MROH2B: variants seen among roughly 807,000 people sequenced by gnomAD.
MROH2B encodes maestro heat like repeat family member 2B, also known as maestro heat-like repeat-containing protein family member 2B.
A neutral mutation model predicts 208.6 loss-of-function variants in MROH2B; 177 were observed. The ratio of observed to expected loss-of-function variants is 0.85; its 90% CI spans 0.75 to 0.96. The LOEUF (loss-of-function observed/expected upper bound fraction) is 0.96. MROH2B is among the 40% of genes least tolerant of loss of function. MROH2B has a pLI of 0.00. For synonymous variants in MROH2B, 728 were observed against 659.0 expected (o/e 1.10, Z -1.60); for missense variants, 2,002 against 1,878.7 (o/e 1.07, Z -1.21).
At position 41,038,825 on chromosome 5, in the gene MROH2B, C is replaced by T. The variant is rs781035669; in HGVS notation, c.2125G>A (p.Ala709Thr). ...TDVMVIYGAV[A>T]LHAPKKQLLS... ...AGTTGCTTCTTGGGAGCATGGAGGG[C>T]CACTGCTCCATAGATGACCATGACA... The change falls in exon 21 of 42, where the codon GCC becomes ACC. Residue 709 changes from alanine (A) to threonine (T), a missense_variant. Transcript: ENST00000399564. 6.2e-6 allele frequency: 10 copies of T among 1,613,358 alleles called. No individual in the cohort carries two copies. In the South Asian group the frequency reaches 1.1e-4, roughly 18 times the overall value.
intron 20 of MROH2B, 47 bp downstream of exon 20, chr5:41,039,401 G>T: frequency 8.8e-7 from 1 of 1,131,186 alleles, no homozygotes; most frequent in Non-Finnish European, 1.3e-6. Context: ...AATCAGGGTT[G>T]TCTGGCCTTG....
At chr5:41,008,236 G>A (rs986549413) in intron 33 of MROH2B, among the ~76,000 whole-genome samples, 1 of 152,134 alleles carries the variant, frequency 6.6e-6, no homozygotes, top group African/African-American at 2.4e-5. Flanking sequence ...AATTGCTGAA[G>A]TCTCAGAATT....
intron 30 of MROH2B, among the ~76,000 whole-genome samples, chr5:41,012,332 G>T (rs1296395866): frequency 1.3e-5 from 2 of 152,192 alleles, no homozygotes; most frequent in African/African-American, 4.8e-5. Flanking sequence ...CCTCGGTTCA[G>T]AGCTGCTTCC....
chr5:41,018,580 G>T, intron 26 of MROH2B, 111 bp downstream of exon 26: 1 of 1,428,620 alleles, frequency 7.0e-7, no homozygotes, highest in Non-Finnish European at 9.6e-7. Flanking sequence ...TGGGGTGTGG[G>T]TGGGTCCAGC....
chr5:41,015,600 G>A (rs141459359), intron 28 of MROH2B, 122 bp from the exon 29 acceptor site: 33 of 779,930 alleles, frequency 4.2e-5, no homozygotes, highest in Admixed American at 7.5e-5. Context: ...GAACATAAGC[G>A]CTAACACATA....
chr5:41,030,824 A>G (rs1231020759), intron 24 of MROH2B, among the ~76,000 whole-genome samples: 1 of 152,130 alleles, frequency 6.6e-6, no homozygotes, highest in Non-Finnish European at 1.5e-5. Context: ...AGTTTTAGCC[A>G]ACAATATGAA....
At chr5:41,022,246 C>T (rs147775684) in intron 24 of MROH2B, among the ~76,000 whole-genome samples, 12 of 152,202 alleles carry the variant, frequency 7.9e-5, no homozygotes, top group East Asian at 5.8e-4. Context: ...CAAAGCAGGG[C>T]GAGGCATCAC....
intron 2 of MROH2B, among the ~76,000 whole-genome samples, chr5:41,069,122 G>A (rs1743900750): frequency 6.6e-6 from 1 of 152,082 alleles, no homozygotes; most frequent in African/African-American, 2.4e-5. Context: ...TTTTTTCTCA[G>A]TTATCAAATG....
chr5:41,027,623 A>T (rs1742417796), intron 24 of MROH2B, among the ~76,000 whole-genome samples: 1 of 152,228 alleles, frequency 6.6e-6, no homozygotes, highest in South Asian at 2.1e-4. Flanking sequence ...TGTGGAAGAC[A>T]GTGTGGCGAT....
At chr5:41,010,923 C>A (rs1387738563) in intron 30 of MROH2B, among the ~76,000 whole-genome samples, 1 of 152,128 alleles carries the variant, frequency 6.6e-6, no homozygotes, top group Admixed American at 6.6e-5. Flanking sequence ...GAACCTAAAA[C>A]TGCTCTAAAA....
At chr5:41,047,595 T>A in intron 17 of MROH2B, 126 bp downstream of exon 17, 1 of 854,436 alleles carries the variant, frequency 1.2e-6, no homozygotes, top group Non-Finnish European at 1.8e-6. Context: ...ACATTCTAAT[T>A]CTTTTCCAAA....
intron 10 of MROH2B, 78 bp downstream of exon 10, chr5:41,055,657 CATAGGAT>C (rs1743423674): frequency 1.1e-6 from 1 of 941,970 alleles, no homozygotes; most frequent in African/African-American, 1.6e-5. Flanking sequence ...ATCCAAAAGA[CATAGGAT>C]AGGATTAGAG....
chr5:41,010,176 A>G, intron 30 of MROH2B, 97 bp from the exon 31 acceptor site: 2 of 1,077,628 alleles, frequency 1.9e-6, no homozygotes, highest in Admixed American at 2.7e-5. Flanking sequence ...CAGCTGATGA[A>G]TTCTAAATAA....
At position 41,033,837 on chromosome 5, in the gene MROH2B, C is replaced by G; in HGVS notation, c.2241+1G>C. ...TCTATCTATCTATCTATCTCTCCTA[C>G]CTTGTTCATCACAGACATGCCCAGA... On this transcript the variant is annotated splice_donor_variant, in intron 22 of 41. Coordinates refer to ENST00000399564, the MANE Select transcript of MROH2B (RefSeq NM_173489.5). LOFTEE classifies it high-confidence loss of function. The G allele has an allele frequency of 6.8e-7, 1 of 1,466,144 alleles. No individual in the cohort carries two copies. The highest frequency in any genetic ancestry group is 9.3e-7 in the Non-Finnish European group (1 of 1,077,720). The allele number at this position is 1,466,144 out of a possible 1,614,324, so 90.8% of individuals were successfully genotyped here. A position where few individuals can be genotyped will look rare whatever the true frequency, so the allele number is the denominator to read the frequency against.
intron 1 of MROH2B, among the ~76,000 whole-genome samples, chr5:41,070,254 G>T (rs924728347): frequency 2.0e-5 from 3 of 152,080 alleles, no homozygotes; most frequent in Non-Finnish European, 2.9e-5. Flanking sequence ...GCTAATGAAG[G>T]CTTCCTGTTT....
intron 18 of MROH2B, among the ~76,000 whole-genome samples, chr5:41,043,237 G>T (rs1173811431): frequency 2.6e-5 from 4 of 152,220 alleles, no homozygotes; most frequent in African/African-American, 9.6e-5. Flanking sequence ...TGGAGCAGTT[G>T]CTGTTATCTC....
chr5:41,069,125 A>C (rs1743900902), intron 2 of MROH2B, among the ~76,000 whole-genome samples: 1 of 152,186 alleles, frequency 6.6e-6, no homozygotes, highest in Non-Finnish European at 1.5e-5. Flanking sequence ...TTTCTCAGTT[A>C]TCAAATGGAA....
At chr5:41,001,137 G>A (rs1561271171) in intron 37 of MROH2B, among the ~76,000 whole-genome samples, 1 of 152,176 alleles carries the variant, frequency 6.6e-6, no homozygotes, top group East Asian at 1.9e-4. Flanking sequence ...ATGATACACA[G>A]GGGTACTCAT....
rs1162964458 is a variant in MROH2B, at chr5:41,018,382, C to T, written c.2722G>A (p.Ala908Thr). The stretch of plus-strand genomic sequence containing the variant: ...AGCACTTTCGCAGTGATCTGGAAGG[C>T]TCTTTCTCTTTCCCACTCTTTTTGT... ...VSQKEWERER[A>T]FQITAKVLTN... is the part of the protein sequence containing the mutation. The change falls in exon 27 of 42, where the codon GCC becomes ACC. Residue 908 changes from alanine to threonine, a missense_variant. By Grantham distance (58) the Ala-to-Thr change is moderately conservative. Transcript: ENST00000399564. The T allele has an allele frequency of 6.2e-7, 1 of 1,613,158 alleles. No homozygotes were observed. Among genetic ancestry groups the T allele is most frequent in the African/African-American group, 1.3e-5 (1 of 74,942 alleles).
Sources: allele counts gnomAD v4.1 joint callset (sites outside exome capture counted in the v4.1 genomes callset), GRCh38; gene constraint gnomAD v4.1.1; transcripts MANE v1.5; gene names NCBI Gene and HGNC (gene_info 2026-07-23, HGNC 2026-07-21).